MEGF10: variants seen among roughly 807,000 people sequenced by gnomAD.
The protein encoded by MEGF10 is multiple epidermal growth factor-like domains protein 10.
In MEGF10, 86 loss-of-function variants were observed where a neutral mutation model predicts 147.5. The observed-to-expected ratio is 0.58, with a 90% CI of 0.49 to 0.70. The LOEUF is 0.70. Among genes scored for constraint, MEGF10 ranks in the 30% least tolerant of loss-of-function variants. The pLI, the probability that MEGF10 is intolerant of heterozygous loss-of-function variation, is 0.00. For missense variants in MEGF10, 1,329 were observed against 1,487.3 expected (o/e 0.89, Z 1.75); for synonymous variants, 478 against 525.5 (o/e 0.91, Z 1.24).
At chr5:127,238,761 G>A in the MEGF10 span, among the ~76,000 whole-genome samples, 28 of 151,908 alleles carry the variant, frequency 1.8e-4, no homozygotes, top group Admixed American at 3.9e-4. Flanking sequence ...ACCACCTTTT[G>A]TGAATACAAC....
intron 13 of MEGF10, among the ~76,000 whole-genome samples, chr5:127,424,943 C>T (rs1765161713): frequency 6.6e-6 from 1 of 152,186 alleles, no homozygotes; most frequent in Non-Finnish European, 1.5e-5. Context: ...CATTTTTAAC[C>T]TTCTGGCAAA....
chr5:127,353,976 A>G (rs1762185658), intron 4 of MEGF10, among the ~76,000 whole-genome samples: 1 of 152,208 alleles, frequency 6.6e-6, no homozygotes, highest in Non-Finnish European at 1.5e-5. Context: ...CGTAAATAAG[A>G]AGCCTTAACT....
intron 4 of MEGF10, among the ~76,000 whole-genome samples, chr5:127,355,484 T>G (rs1234381022): frequency 1.3e-5 from 2 of 152,162 alleles, no homozygotes; most frequent in African/African-American, 4.8e-5. Context: ...GCATTGAATT[T>G]TTTTCCTGTT....
intron 18 of MEGF10, among the ~76,000 whole-genome samples, chr5:127,441,341 C>T (rs1765750799): frequency 6.6e-6 from 1 of 152,316 alleles, no homozygotes; most frequent in East Asian, 1.9e-4. Context: ...CAACAACCTT[C>T]TCTAGATCGT....
At chr5:127,391,696 C>T (rs1429871233) in intron 5 of MEGF10, among the ~76,000 whole-genome samples, 1 of 152,006 alleles carries the variant, frequency 6.6e-6, no homozygotes, top group Non-Finnish European at 1.5e-5. Context: ...AGATTTTCAC[C>T]TCTGAAATCA....
At chr5:127,314,541 A>G (rs1002187754) in intron 1 of MEGF10, among the ~76,000 whole-genome samples, 29 of 152,214 alleles carry the variant, frequency 1.9e-4, no homozygotes, top group African/African-American at 6.8e-4. Context: ...ATTTTTACTT[A>G]TGTCCTGAAC....
intron 4 of MEGF10, among the ~76,000 whole-genome samples, chr5:127,350,379 C>T (rs779230825): frequency 2.0e-5 from 3 of 152,130 alleles, no homozygotes; most frequent in Non-Finnish European, 2.9e-5. Flanking sequence ...TTGTGTGTCC[C>T]AAGCTTGTCT....
At chr5:127,401,804 A>G (rs1375651518) in intron 7 of MEGF10, among the ~76,000 whole-genome samples, 1 of 152,238 alleles carries the variant, frequency 6.6e-6, no homozygotes, top group African/African-American at 2.4e-5. Context: ...TGGAGTAAAT[A>G]TAATGACTGT....
In MEGF10 at chr5:127,454,604, T is replaced by C; in HGVS notation, c.3019T>C (p.Leu1007=). 6.2e-7 allele frequency: 1 copy of C among 1,607,778 alleles called. No homozygotes were observed. Among genetic ancestry groups the C allele is most frequent in the Non-Finnish European group, 8.5e-7 (1 of 1,177,898 alleles). Residue 1007 remains leucine, a synonymous_variant, in exon 23 of 25, where the codon TTA becomes CTA. Transcript: ENST00000503335. ...GLDRSYMGKS[L]KDLGKNSEYN... The stretch of plus-strand genomic sequence containing the variant: ...TGACAGAAGCTATATGGGAAAATCC[T>C]TAAAAGGTATCATGTAAATTTGAAG...
the MEGF10 span, among the ~76,000 whole-genome samples, chr5:127,238,407 A>G: frequency 6.6e-6 from 1 of 152,160 alleles, no homozygotes; most frequent in Middle Eastern, 3.2e-3. Context: ...CCTTTAGTCA[A>G]CACATGGAGG....
the MEGF10 span, among the ~76,000 whole-genome samples, chr5:127,264,371 T>C: frequency 6.6e-6 from 1 of 152,172 alleles, no homozygotes; most frequent in Non-Finnish European, 1.5e-5. Context: ...TCCCAAATTC[T>C]ATGTACTTTT....
At chr5:127,265,495 A>G in the MEGF10 span, among the ~76,000 whole-genome samples, 1 of 151,984 alleles carries the variant, frequency 6.6e-6, no homozygotes, top group Non-Finnish European at 1.5e-5. Flanking sequence ...GAATTACCAC[A>G]CTGTCTTCCA....
intron 5 of MEGF10, 65 bp from the exon 6 acceptor site, chr5:127,396,467 G>A (rs113652738): frequency 8.8e-6 from 13 of 1,476,990 alleles, no homozygotes; most frequent in East Asian, 2.4e-5. Context: ...CATTCTCCCC[G>A]AGAGGCGAAG....
intron 4 of MEGF10, among the ~76,000 whole-genome samples, chr5:127,350,490 C>T (rs1471770961): frequency 1.3e-5 from 2 of 151,936 alleles, no homozygotes; most frequent in African/African-American, 4.8e-5. Context: ...TTTCTTCCTT[C>T]CTTGGTTCTC....
chr5:127,245,426 C>A, the MEGF10 span, among the ~76,000 whole-genome samples: 2 of 152,048 alleles, frequency 1.3e-5, no homozygotes, highest in African/African-American at 4.8e-5. Flanking sequence ...TGAAACTAGA[C>A]CCCTTCCTTA....
At chr5:127,292,464 T>C (rs949568960) in intron 1 of MEGF10, among the ~76,000 whole-genome samples, 3 of 152,218 alleles carry the variant, frequency 2.0e-5, no homozygotes, top group African/African-American at 4.8e-5. Flanking sequence ...CCCTCTAGTA[T>C]AGCTTCTATT....
chr5:127,380,057 T>A (rs936481887), intron 5 of MEGF10, among the ~76,000 whole-genome samples: 2 of 114,588 alleles, frequency 1.7e-5, no homozygotes, highest in Admixed American at 1.9e-4. Context: ...AATACTTGAT[T>A]TGTTAACTTG....
the MEGF10 span, among the ~76,000 whole-genome samples, chr5:127,249,386 AAG>A: frequency 4.0e-5 from 6 of 151,654 alleles, no homozygotes; most frequent in Non-Finnish European, 7.4e-5. Flanking sequence ...GGAGGAGGAG[AAG>A]AGAGAAATAC....
intron 1 of MEGF10, among the ~76,000 whole-genome samples, chr5:127,320,812 A>G (rs1158219747): frequency 6.6e-6 from 1 of 152,228 alleles, no homozygotes; most frequent in Non-Finnish European, 1.5e-5. Flanking sequence ...CTGCTGCGAG[A>G]TACCTGTGGT....
Sources: allele counts gnomAD v4.1 joint callset (sites outside exome capture counted in the v4.1 genomes callset), GRCh38; gene constraint gnomAD v4.1.1; transcripts MANE v1.5; gene names NCBI Gene and HGNC (gene_info 2026-07-23, HGNC 2026-07-21).